Variants in PRELID2 observed in about 807,000 individuals in gnomAD.
The protein encoded by PRELID2 is PRELI domain-containing protein 2.
Under a neutral mutation model 28.4 loss-of-function variants are expected in PRELID2, and 25 were observed. That is an observed-to-expected ratio of 0.88 (90% CI 0.64 to 1.23). The LOEUF (loss-of-function observed/expected upper bound fraction) is 1.23, where lower values mean the gene tolerates loss of function less well. PRELID2 is among the 50% of genes most tolerant of loss of function. The pLI, the probability that PRELID2 is intolerant of heterozygous loss-of-function variation, is 0.00. For synonymous variants in PRELID2, 76 were observed against 71.6 expected, an observed-to-expected ratio of 1.06 and a Z score of -0.31; for missense variants, 201 against 214.4, an observed-to-expected ratio of 0.94 and a Z score of 0.39.
intron 1 of PRELID2, 64 bp downstream of exon 1, chr5:145,835,113 G>A: frequency 2.6e-6 from 3 of 1,148,768 alleles, no homozygotes; most frequent in East Asian, 2.6e-5. Flanking sequence ...GTGGATGAAG[G>A]AGAGGAGAGA....
intron 1 of PRELID2, chr5:145,728,761 T>G: frequency 1.4e-6 from 2 of 1,395,612 alleles, no homozygotes; most frequent in Admixed American, 3.4e-5. Flanking sequence ...AAGGCTTCAT[T>G]TTGTTTTGCA....
chr5:145,569,126 T>C lies in PRELID2; in HGVS notation n.71-95811A>G, dbSNP rs78891507. Among the ~76,000 whole-genome samples, 72 of 152,298 alleles carry C rather than the reference T, an allele frequency of 4.7e-4. No homozygotes were observed. The East Asian group carries it at 0.013, about 27-fold the overall frequency. On this transcript the variant is annotated intron_variant and non_coding_transcript_variant, in intron 1 of 2. Coordinates refer to the PRELID2 transcript ENST00000510259. ...TTAAGACCCATTGAGTGATGAAAAG[T>C]ACAGACTGAAAAACTGTCAGGAATA...
chr5:145,523,014 T>G (rs1752577060), intron 1 of PRELID2, among the ~76,000 whole-genome samples: 1 of 152,222 alleles, frequency 6.6e-6, no homozygotes, highest in African/African-American at 2.4e-5. Flanking sequence ...GGTCAGGTTG[T>G]GGAGAGCAAA....
intron 4 of PRELID2, among the ~76,000 whole-genome samples, chr5:145,812,969 G>A (rs1054211267): frequency 5.3e-5 from 8 of 152,216 alleles, no homozygotes; most frequent in African/African-American, 1.7e-4. Flanking sequence ...TGCCACGACT[G>A]TAGAGATGTC....
At chr5:145,418,584 C>T in the PRELID2 span, among the ~76,000 whole-genome samples, 1 of 152,072 alleles carries the variant, frequency 6.6e-6, no homozygotes, top group Non-Finnish European at 1.5e-5. Flanking sequence ...AGAAATAATA[C>T]TGCACACCTA....
chr5:145,679,623 T>C (rs1754893982), intron 1 of PRELID2, among the ~76,000 whole-genome samples: 2 of 152,052 alleles, frequency 1.3e-5, no homozygotes, highest in Admixed American at 6.6e-5. Flanking sequence ...AGTAAATACT[T>C]CTTAAATAAA....
chr5:145,432,999 C>T, the PRELID2 span, among the ~76,000 whole-genome samples: 33 of 152,150 alleles, frequency 2.2e-4, no homozygotes, highest in Non-Finnish European at 4.0e-4. Flanking sequence ...GAAGGGTCAA[C>T]TCCATATCTT....
chr5:145,683,098 T>C (rs1172778495), intron 1 of PRELID2, among the ~76,000 whole-genome samples: 1 of 152,146 alleles, frequency 6.6e-6, no homozygotes, highest in Non-Finnish European at 1.5e-5. Context: ...AGACCAGTAT[T>C]TCTAGGTAGT....
the PRELID2 span, among the ~76,000 whole-genome samples, chr5:145,231,439 A>T: frequency 3.3e-5 from 5 of 152,160 alleles, no homozygotes; most frequent in Admixed American, 3.3e-4. Context: ...AGTGGCCTAC[A>T]CTGAGGGAGA....
chr5:145,709,941 T>C (rs1755649054), intron 1 of PRELID2, among the ~76,000 whole-genome samples: 1 of 152,176 alleles, frequency 6.6e-6, no homozygotes, highest in Admixed American at 6.5e-5. Flanking sequence ...TTCCAACCCA[T>C]TTAATTTCTG....
At chr5:145,830,359 C>G (rs940403110) in intron 1 of PRELID2, among the ~76,000 whole-genome samples, 1 of 152,180 alleles carries the variant, frequency 6.6e-6, no homozygotes, top group Non-Finnish European at 1.5e-5. Context: ...AATATAATAG[C>G]TCTCTGGATC....
chr5:145,479,925 T>C (rs549047689), intron 1 of PRELID2, among the ~76,000 whole-genome samples: 1 of 152,208 alleles, frequency 6.6e-6, no homozygotes, highest in Non-Finnish European at 1.5e-5. Context: ...TCATAGCTAA[T>C]GGATATCTAC....
At chr5:145,568,907 C>T (rs1346567658) in intron 1 of PRELID2, among the ~76,000 whole-genome samples, 3 of 152,222 alleles carry the variant, frequency 2.0e-5, no homozygotes, top group Non-Finnish European at 4.4e-5. Context: ...ATTTATTCAG[C>T]CCACTGGAAT....
chr5:145,543,079 G>A (rs192035149), intron 1 of PRELID2, among the ~76,000 whole-genome samples: 2 of 152,052 alleles, frequency 1.3e-5, no homozygotes, highest in Non-Finnish European at 2.9e-5. Context: ...CCTCCTCAGG[G>A]AGAGCTTTCC....
chr5:145,470,734 A>AGAC (rs1752046893), downstream of PRELID2, among the ~76,000 whole-genome samples: 1 of 152,062 alleles, frequency 6.6e-6, no homozygotes, highest in Non-Finnish European at 1.5e-5. Context: ...ACAGATAGGG[A>AGAC]GACAGAAATA....
intron 1 of PRELID2, among the ~76,000 whole-genome samples, chr5:145,604,077 ATTATAT>A (rs1456777940): frequency 1.3e-5 from 2 of 152,022 alleles, no homozygotes; most frequent in African/African-American, 4.8e-5. Context: ...AGATTTTTAA[ATTATAT>A]TTATATTTTT....
chr5:145,229,861 T>A, the PRELID2 span: 1 of 754,812 alleles, frequency 1.3e-6, no homozygotes, highest in Non-Finnish European at 2.4e-6. Flanking sequence ...GAAGGGAAAG[T>A]GCAGGTGCCG....
At chr5:145,412,622 T>C in the PRELID2 span, among the ~76,000 whole-genome samples, 1 of 152,344 alleles carries the variant, frequency 6.6e-6, no homozygotes, top group South Asian at 2.1e-4. Flanking sequence ...TTCTGAGTCC[T>C]CCAAACTGTT....
intron 1 of PRELID2, among the ~76,000 whole-genome samples, chr5:145,494,921 C>CT (rs897151072): frequency 3.3e-5 from 5 of 152,134 alleles, no homozygotes; most frequent in African/African-American, 1.2e-4. Flanking sequence ...TGTCATGCTG[C>CT]TGTTCCTCTC....
Sources: allele counts gnomAD v4.1 joint callset (sites outside exome capture counted in the v4.1 genomes callset), GRCh38; gene constraint gnomAD v4.1.1; transcripts MANE v1.5; gene names NCBI Gene and HGNC (gene_info 2026-07-23, HGNC 2026-07-21).